Variants in SPRR2G observed in about 807,000 individuals in gnomAD.
SPRR2G encodes small proline rich protein 2G.
In SPRR2G, 1 loss-of-function variant was observed where a neutral mutation model predicts 0.7. That is an observed-to-expected ratio of 1.49 (90% CI 0.53 to 7.06). The LOEUF is 7.06. SPRR2G is among the 30% of genes most tolerant of loss of function. SPRR2G has a pLI of 0.14. For missense variants in SPRR2G, 96 were observed against 88.5 expected, an observed-to-expected ratio of 1.09 and a Z score of -0.34; for synonymous variants, 38 against 33.9, an observed-to-expected ratio of 1.12 and a Z score of -0.42.
chr1:153,188,966 C>A, the SPRR2G span, among the ~76,000 whole-genome samples: 1 of 152,184 alleles, frequency 6.6e-6, no homozygotes, highest in African/African-American at 2.4e-5. Flanking sequence ...TTCTGCTCAC[C>A]CTCCATGGGC....
At chr1:153,168,904 A>ATGTGTGTGTGTG in the SPRR2G span, among the ~76,000 whole-genome samples, 812 of 148,160 alleles carry the variant, frequency 5.5e-3, 11 homozygotes, top group South Asian at 0.042. Context: ...TCATGAGTGT[A>ATGTGTGTGTGTG]TGTGTGTGTG....
chr1:153,170,104 A>G, the SPRR2G span, among the ~76,000 whole-genome samples: 1 of 152,226 alleles, frequency 6.6e-6, no homozygotes, highest in Non-Finnish European at 1.5e-5. Context: ...TGAAATGCTT[A>G]AGAAAACATA....
the SPRR2G span, among the ~76,000 whole-genome samples, chr1:153,181,199 T>C: frequency 6.6e-6 from 1 of 152,336 alleles, no homozygotes; most frequent in African/African-American, 2.4e-5. Context: ...ATCTTTCCTA[T>C]TGACAAGATC....
Position 153,149,875 on chromosome 1 carries a change from G to T in SPRR2G, c.*14C>A. On this transcript the variant is annotated 3_prime_UTR_variant, in exon 2 of 2. Coordinates refer to ENST00000368748, the MANE Select transcript of SPRR2G (RefSeq NM_001014291.4). The stretch of plus-strand genomic sequence containing the variant: ...GATCTTGTTGTTTCATGGTCCTGAT[G>T]AATTCTAGTGATGTTACTTGCTCTT... The T allele has an allele frequency of 6.2e-7, 1 of 1,613,952 alleles. No homozygotes were observed. Among genetic ancestry groups the T allele is most frequent in the South Asian group, 1.1e-5 (1 of 91,060 alleles).
the SPRR2G span, among the ~76,000 whole-genome samples, chr1:153,173,119 G>A: frequency 6.6e-5 from 10 of 152,162 alleles, no homozygotes; most frequent in Non-Finnish European, 1.2e-4. Flanking sequence ...CCTATCTCAC[G>A]TTCTTTCTAC....
the SPRR2G span, among the ~76,000 whole-genome samples, chr1:153,178,670 A>G: frequency 6.6e-6 from 1 of 152,176 alleles, no homozygotes; most frequent in South Asian, 2.1e-4. Flanking sequence ...TGCTAGACTC[A>G]ATTTACTGAT....
chr1:153,169,463 G>A, the SPRR2G span, among the ~76,000 whole-genome samples: 1 of 151,764 alleles, frequency 6.6e-6, no homozygotes, highest in African/African-American at 2.4e-5. Context: ...CCACTCGGGA[G>A]ACTGAGGCAA....
At chr1:153,197,144 GTGTGTGTGTGTGT>G in the SPRR2G span, among the ~76,000 whole-genome samples, 1,998 of 71,300 alleles carry the variant, frequency 0.028, 56 homozygotes, top group African/African-American at 0.12. Flanking sequence ...GTGTGTGTGT[GTGTGTGTGTGTGT>G]GTGTGTGTGT....
the SPRR2G span, among the ~76,000 whole-genome samples, chr1:153,165,881 G>C: frequency 6.6e-6 from 1 of 152,164 alleles, no homozygotes; most frequent in Non-Finnish European, 1.5e-5. Flanking sequence ...GTGACTGTGA[G>C]GCACAGGCTT....
chr1:153,160,272 GTA>G, the SPRR2G span, among the ~76,000 whole-genome samples: 5 of 152,044 alleles, frequency 3.3e-5, no homozygotes, highest in Non-Finnish European at 7.4e-5. Flanking sequence ...ATATTACATT[GTA>G]TATATATGCC....
chr1:153,194,147 T>C, the SPRR2G span, among the ~76,000 whole-genome samples: 1 of 151,946 alleles, frequency 6.6e-6, no homozygotes, highest in Non-Finnish European at 1.5e-5. Flanking sequence ...GATTCAATGA[T>C]ACAATGTCAA....
At chr1:153,187,407 C>A in the SPRR2G span, among the ~76,000 whole-genome samples, 425 of 152,176 alleles carry the variant, frequency 2.8e-3, 3 homozygotes, top group African/African-American at 9.8e-3. Flanking sequence ...CCTTTTCATT[C>A]TTTTTTCTCT....
the SPRR2G span, among the ~76,000 whole-genome samples, chr1:153,195,360 G>C: frequency 1.1e-4 from 17 of 152,174 alleles, no homozygotes; most frequent in Non-Finnish European, 2.4e-4. Flanking sequence ...CCTCCTCCAA[G>C]CAAGGATTGG....
chr1:153,157,352 T>G, the SPRR2G span, among the ~76,000 whole-genome samples: 1 of 152,164 alleles, frequency 6.6e-6, no homozygotes, highest in Admixed American at 6.5e-5. Context: ...AACTGTAAAA[T>G]AGTTCAGTGA....
the SPRR2G span, among the ~76,000 whole-genome samples, chr1:153,185,505 G>C: frequency 6.6e-6 from 1 of 152,004 alleles, no homozygotes; most frequent in East Asian, 1.9e-4. Flanking sequence ...TATTTGCGTA[G>C]AGGTGTTTAT....
chr1:153,182,503 T>A, the SPRR2G span, among the ~76,000 whole-genome samples: 3 of 152,016 alleles, frequency 2.0e-5, no homozygotes, highest in Non-Finnish European at 2.9e-5. Flanking sequence ...AAGCCCCACA[T>A]GCATTAGGTA....
At chr1:153,179,618 AG>A in the SPRR2G span, among the ~76,000 whole-genome samples, 1 of 152,124 alleles carries the variant, frequency 6.6e-6, no homozygotes, top group Non-Finnish European at 1.5e-5. Context: ...ATAATTTTTA[AG>A]ACCTAGGATT....
the SPRR2G span, among the ~76,000 whole-genome samples, chr1:153,193,746 C>T: frequency 1.3e-5 from 2 of 152,072 alleles, no homozygotes; most frequent in African/African-American, 2.4e-5. Flanking sequence ...TCTCAGACAC[C>T]AGGAAGTCCC....
the SPRR2G span, among the ~76,000 whole-genome samples, chr1:153,176,923 C>G: frequency 1.3e-5 from 2 of 152,034 alleles, no homozygotes; most frequent in African/African-American, 4.8e-5. Flanking sequence ...CATAACAGCC[C>G]CTGAAACCTG....
Sources: allele counts gnomAD v4.1 joint callset (sites outside exome capture counted in the v4.1 genomes callset), GRCh38; gene constraint gnomAD v4.1.1; transcripts MANE v1.5; gene names NCBI Gene and HGNC (gene_info 2026-07-23, HGNC 2026-07-21).